IL10RB: variants seen among roughly 807,000 people sequenced by gnomAD.
The protein encoded by IL10RB is interleukin-10 receptor subunit beta.
Under a neutral mutation model 38.7 loss-of-function variants are expected in IL10RB, and 30 were observed. That is an observed-to-expected ratio of 0.78 (90% CI 0.58 to 1.05). IL10RB has a LOEUF of 1.05. IL10RB is among the 50% of genes least tolerant of loss of function. The pLI is 0.00. For missense variants in IL10RB, 328 were observed against 397.1 expected, an observed-to-expected ratio of 0.83 and a Z score of 1.48; for synonymous variants, 142 against 145.9, an observed-to-expected ratio of 0.97 and a Z score of 0.19.
chr21:33,290,079 A>T (rs1176633656), intron 6 of IL10RB, among the ~76,000 whole-genome samples: 1 of 151,750 alleles, frequency 6.6e-6, no homozygotes, highest in Admixed American at 6.6e-5. Flanking sequence ...GCGCCACTGC[A>T]CTCTAACCTG....
Position 33,288,137 on chromosome 21 carries a change from T to A in IL10RB, c.680T>A (p.Leu227His), listed in dbSNP as rs1254557577. Residue 227 changes from leucine to histidine, a missense_variant, in exon 6 of 7, where the codon CTC (leucine) becomes CAC (histidine). Physicochemically the swap from Leu to His is moderately conservative, Grantham distance 99. Coordinates refer to ENST00000290200, the MANE Select transcript of IL10RB (RefSeq NM_000628.5). ...TVPSWMVAVILMASVFMVCLA... is the reference protein window; with the variant it reads ...TVPSWMVAVIHMASVFMVCLA... ...CCCTCCTGGATGGTGGCCGTCATCC[T>A]CATGGCCTCGGTCTTCATGGTCTGC... is the stretch of plus-strand genomic sequence containing the variant. 6.2e-7 allele frequency: 1 copy of A among 1,614,108 alleles called. No homozygotes were observed. The highest frequency in any genetic ancestry group is 8.5e-7 in the Non-Finnish European group (1 of 1,180,000).
chr21:33,290,271 G>A (rs1400055011), intron 6 of IL10RB, among the ~76,000 whole-genome samples: 1 of 152,048 alleles, frequency 6.6e-6, no homozygotes, highest in Non-Finnish European at 1.5e-5. Flanking sequence ...CTGAGCAACA[G>A]AGCGAGACTC....
At chr21:33,268,616 C>A in intron 2 of IL10RB, 99 bp downstream of exon 2, 1 of 866,044 alleles carries the variant, frequency 1.2e-6, no homozygotes, top group South Asian at 1.3e-5. Context: ...TGACTACGGT[C>A]ACCGTGTGAC....
At chr21:33,303,476 T>A (rs184419332) in intron 1 of IL10RB, among the ~76,000 whole-genome samples, 1 of 147,444 alleles carries the variant, frequency 6.8e-6, no homozygotes, top group Non-Finnish European at 1.5e-5. Flanking sequence ...TGCCTCAACC[T>A]CCCGAGTAGC....
intron 6 of IL10RB, among the ~76,000 whole-genome samples, chr21:33,292,149 G>A (rs1030090114): frequency 1.3e-5 from 2 of 152,132 alleles, no homozygotes; most frequent in African/African-American, 2.4e-5. Flanking sequence ...TAACCTTCCA[G>A]TCTTCCTTCC....
chr21:33,286,915 G>A (rs371432573), intron 5 of IL10RB, among the ~76,000 whole-genome samples: 6 of 152,146 alleles, frequency 3.9e-5, no homozygotes, highest in African/African-American at 1.4e-4. Flanking sequence ...GGGGAGTTGA[G>A]CAGAATCAGG....
chr21:33,289,423 G>T (rs1183607488), intron 6 of IL10RB, among the ~76,000 whole-genome samples: 1 of 95,442 alleles, frequency 1.0e-5, no homozygotes, highest in Non-Finnish European at 2.1e-5. Flanking sequence ...AATGCTTGTG[G>T]GCTGGCTCCT....
At chr21:33,278,627 A>C (rs993753781) in intron 3 of IL10RB, among the ~76,000 whole-genome samples, 17 of 152,232 alleles carry the variant, frequency 1.1e-4, no homozygotes, top group Admixed American at 1.1e-3. Flanking sequence ...CATACAGGTC[A>C]TGAGTGGCTG....
At chr21:33,287,671 G>A (rs1989399786) in intron 5 of IL10RB, among the ~76,000 whole-genome samples, 1 of 152,086 alleles carries the variant, frequency 6.6e-6, no homozygotes, top group South Asian at 2.1e-4. Context: ...CTGGCTTAGT[G>A]CAGGGGTTTG....
At chr21:33,290,406 G>A (rs2248118) in intron 6 of IL10RB, among the ~76,000 whole-genome samples, 41,549 of 152,046 alleles carry the variant, frequency 0.27, 7,078 homozygotes, top group Non-Finnish European at 0.37. Context: ...TTAAAAATCC[G>A]AAAGCCATGT....
intron 1 of IL10RB, among the ~76,000 whole-genome samples, chr21:33,302,250 G>A (rs2843705): frequency 1.3e-5 from 2 of 152,354 alleles, no homozygotes; most frequent in Admixed American, 6.5e-5. Flanking sequence ...GACTTTCAGC[G>A]ATTCCCTGCT....
At position 33,296,426 on chromosome 21, in the gene IL10RB, G is replaced by T; in HGVS notation, c.*69G>T. ...CCATCTCACATCTGCCTCAGTGAGG[G>T]ATCAGGGCAGCAAACAAGGGCCAAG... On this transcript the variant is annotated 3_prime_UTR_variant, in exon 7 of 7. Coordinates refer to ENST00000290200, the MANE Select transcript of IL10RB (RefSeq NM_000628.5). The T allele has an allele frequency of 6.7e-7, 1 of 1,496,644 alleles. No homozygotes were observed. Among genetic ancestry groups the T allele is most frequent in the Non-Finnish European group, 9.2e-7 (1 of 1,087,622 alleles). The allele number at this position is 1,496,644 out of a possible 1,614,324, so 92.7% of individuals were successfully genotyped here.
chr21:33,268,503 A>T lies in IL10RB; in HGVS notation c.159A>T (p.Thr53=). Residue 53 remains threonine, a synonymous_variant, in exon 2 of 7, where the codon ACA becomes ACT. Transcript: ENST00000290200. ...TTGCCAAAGGGAACCTGACTTTCAC[A>T]GCTCAGTACCTAAGGTGGGTCTGGC... ...PAFAKGNLTF[T]AQYLSYRIFQ... 6.2e-7 allele frequency: 1 copy of T among 1,612,604 alleles called. No homozygotes were observed. Among genetic ancestry groups the T allele is most frequent in the Non-Finnish European group, 8.5e-7 (1 of 1,178,566 alleles).
At chr21:33,269,178 C>T (rs749243889) in intron 2 of IL10RB, among the ~76,000 whole-genome samples, 9 of 152,230 alleles carry the variant, frequency 5.9e-5, no homozygotes, top group East Asian at 1.9e-4. Context: ...TCACCCTAGA[C>T]GGTCATCTCA....
intron 2 of IL10RB, among the ~76,000 whole-genome samples, chr21:33,275,694 C>T (rs1989158024): frequency 6.6e-6 from 1 of 152,254 alleles, no homozygotes; most frequent in Admixed American, 6.5e-5. Flanking sequence ...GCATTCACAA[C>T]TTGGCTAACT....
rs745455903 is a variant in IL10RB, at chr21:33,292,221, A to C, written c.804+3960A>C. ...TGCCTGGGATCCCACAGCTGGCCTG[A>C]TCTTGGGCTGCTTTTCTTTCCACAT... On this transcript the variant is annotated intron_variant, in intron 6 of 6. Transcript: ENST00000290200. 4.6e-5 allele frequency among the ~76,000 whole-genome samples: 7 copies of C among 152,038 alleles called. No homozygotes were observed. The South Asian group carries it at 6.2e-4, about 13-fold the overall frequency.
At chr21:33,299,937 T>C (rs1336402467), downstream of IL10RB, among the ~76,000 whole-genome samples, 2 of 152,162 alleles carry the variant, frequency 1.3e-5, no homozygotes, top group African/African-American at 4.8e-5. Context: ...ACCTTGTGCT[T>C]CCACAGGAAG....
intron 2 of IL10RB, among the ~76,000 whole-genome samples, chr21:33,269,133 G>A (rs1490278361): frequency 1.3e-5 from 2 of 152,148 alleles, no homozygotes; most frequent in Admixed American, 6.5e-5. Context: ...CCCCATTCTC[G>A]GACAACAGCA....
At chr21:33,306,784 G>C (rs2083000071) in intron 1 of IL10RB, among the ~76,000 whole-genome samples, 1 of 152,022 alleles carries the variant, frequency 6.6e-6, no homozygotes, top group Non-Finnish European at 1.5e-5. Flanking sequence ...CAATCCTCCT[G>C]CCTTGACTTT....
Sources: gnomAD v4.1 joint callset for allele counts (sites outside exome capture counted in the v4.1 genomes callset) on GRCh38, gnomAD v4.1.1 for gene constraint, MANE v1.5 for transcripts, NCBI Gene and HGNC (gene_info 2026-07-23, HGNC 2026-07-21) for gene names.